PACS1: variants seen among roughly 807,000 people sequenced by gnomAD.
PACS1 encodes PACS-1.
A neutral mutation model predicts 115.0 loss-of-function variants in PACS1; 24 were observed. The observed-to-expected ratio is 0.21, with a 90% CI of 0.15 to 0.29. PACS1 has a LOEUF of 0.29. Ranked by LOEUF, PACS1 falls within the 10% of genes least tolerant of loss-of-function variation. The pLI is 1.00. For synonymous variants in PACS1, 453 were observed against 504.5 expected (o/e 0.90, Z 1.37); for missense variants, 838 against 1,251.2 (o/e 0.67, Z 4.98).
At chr11:66,112,095 T>G (rs1858203075) in intron 1 of PACS1, among the ~76,000 whole-genome samples, 1 of 152,242 alleles carries the variant, frequency 6.6e-6, no homozygotes, top group Non-Finnish European at 1.5e-5. Flanking sequence ...CAGACTGATC[T>G]GTTTCACTGC....
chr11:66,155,096 A>G (rs1859321574), intron 1 of PACS1, among the ~76,000 whole-genome samples: 1 of 152,228 alleles, frequency 6.6e-6, no homozygotes, highest in Non-Finnish European at 1.5e-5. Flanking sequence ...GAAGAAAACA[A>G]ACATTAACCC....
rs116896564 is a variant in PACS1 at position 66,236,371 on chromosome 11, C to T, written c.2250+431C>T. On this transcript the variant is annotated intron_variant, in intron 19 of 23. Coordinates refer to ENST00000320580, the MANE Select transcript of PACS1 (RefSeq NM_018026.4). This position sits in a 1 kb window ranked among gnomAD's most constrained non-coding sequence, Gnocchi z 4.2. ...CTTCACCCGGGGAGTGATGTCCAGACGTGGCTCACGGGAAAGGGAGCTGCT... is the reference window on the plus strand; with the variant it reads ...CTTCACCCGGGGAGTGATGTCCAGATGTGGCTCACGGGAAAGGGAGCTGCT... Among the ~76,000 whole-genome samples, 837 of 152,328 alleles carry T rather than the reference C, an allele frequency of 5.5e-3. No individual in the cohort carries two copies. The highest frequency in any genetic ancestry group is 7.7e-3 in the Non-Finnish European group (524 of 68,030).
intron 1 of PACS1, among the ~76,000 whole-genome samples, chr11:66,073,815 A>AGGTGGCGCTTC (rs1303188812): frequency 1.3e-5 from 2 of 151,556 alleles, no homozygotes; most frequent in African/African-American, 4.9e-5. Context: ...GTGTAGTGGC[A>AGGTGGCGCTTC]CAGTCATAGC....
At chr11:66,159,709 C>A (rs142801564) in intron 1 of PACS1, among the ~76,000 whole-genome samples, 3 of 152,146 alleles carry the variant, frequency 2.0e-5, no homozygotes, top group African/African-American at 7.2e-5. Context: ...GAAGGTTACT[C>A]CACTTTCACA....
chr11:66,091,869 G>A (rs10896079), intron 1 of PACS1, among the ~76,000 whole-genome samples: 31,628 of 151,498 alleles, frequency 0.21, 3,446 homozygotes, highest in Middle Eastern at 0.29. Flanking sequence ...TTTTATGGCT[G>A]CATAGTATTC....
intron 1 of PACS1, among the ~76,000 whole-genome samples, chr11:66,087,780 T>C (rs1217734943): frequency 6.6e-6 from 1 of 152,200 alleles, no homozygotes; most frequent in East Asian, 1.9e-4. Flanking sequence ...AAAGCACTCA[T>C]TTCTCTGCAG....
chr11:66,215,001 C>T (rs747967750), intron 4 of PACS1, among the ~76,000 whole-genome samples: 7 of 151,980 alleles, frequency 4.6e-5, no homozygotes, highest in Non-Finnish European at 7.4e-5. Flanking sequence ...GGCACAATCA[C>T]GACTCACTGC....
At chr11:66,228,760 G>C (rs76782866) in intron 11 of PACS1, among the ~76,000 whole-genome samples, 5 of 152,164 alleles carry the variant, frequency 3.3e-5, no homozygotes, top group Admixed American at 1.3e-4. Context: ...GAGGGGCATC[G>C]GGAGGCCTCA....
At chr11:66,080,237 G>T (rs1481173232) in intron 1 of PACS1, among the ~76,000 whole-genome samples, 1 of 152,180 alleles carries the variant, frequency 6.6e-6, no homozygotes, top group Non-Finnish European at 1.5e-5. Flanking sequence ...GAGTGTTTCT[G>T]TGTGCCAAGC....
chr11:66,215,861 C>T (rs1367356262), intron 4 of PACS1, among the ~76,000 whole-genome samples: 1 of 150,648 alleles, frequency 6.6e-6, no homozygotes, highest in Non-Finnish European at 1.5e-5. Flanking sequence ...GATCACGCCA[C>T]TGCACTCCAG....
At chr11:66,217,361 A>C (rs1397749689) in intron 7 of PACS1, 2 of 336,232 alleles carry the variant, frequency 5.9e-6, no homozygotes, top group Non-Finnish European at 1.2e-5. Flanking sequence ...TCCTGAACTA[A>C]GAAGCTAAAA....
At chr11:66,144,468 AC>A (rs1486340223) in intron 1 of PACS1, among the ~76,000 whole-genome samples, 1 of 152,198 alleles carries the variant, frequency 6.6e-6, no homozygotes, top group Non-Finnish European at 1.5e-5. Context: ...TGAAGGTAAA[AC>A]TTGCTCCAGG....
chr11:66,211,656 G>A (rs1315298645), intron 4 of PACS1, among the ~76,000 whole-genome samples: 2 of 152,074 alleles, frequency 1.3e-5, no homozygotes, highest in Non-Finnish European at 2.9e-5. Flanking sequence ...TTGCTGGCAC[G>A]ATGCCCCATT....
intron 1 of PACS1, among the ~76,000 whole-genome samples, chr11:66,118,246 CTGTTATGTGTAT>C (rs1858351294): frequency 6.6e-6 from 1 of 152,216 alleles, no homozygotes; most frequent in African/African-American, 2.4e-5. Context: ...CTGATTTAAC[CTGTTATGTGTAT>C]GCCATTGAGC....
chr11:66,134,775 C>G (rs1858805263), intron 1 of PACS1, among the ~76,000 whole-genome samples: 1 of 152,064 alleles, frequency 6.6e-6, no homozygotes, highest in Admixed American at 6.5e-5. Context: ...TTCTCACTAT[C>G]ACTGGGGATT....
At chr11:66,209,649 C>T (rs1056297161) in intron 2 of PACS1, among the ~76,000 whole-genome samples, 2 of 152,102 alleles carry the variant, frequency 1.3e-5, no homozygotes, top group Non-Finnish European at 2.9e-5. Flanking sequence ...GTGACTCACA[C>T]CTGTAATCCC....
At position 66,070,957 on chromosome 11, in the gene PACS1, C is replaced by G; in HGVS notation, c.356+115C>G. On this transcript the variant is annotated intron_variant, in intron 1 of 23. Transcript: ENST00000320580. The surrounding 1 kb of genome is among the most constrained non-coding windows in gnomAD (Gnocchi z 5.9). ...GCCCTCCATCTCCCCGACTGTCCCG[C>G]GGCCCGGCCTGGCTCCAGCCAGGCC... 9.0e-7 allele frequency: 1 copy of G among 1,105,680 alleles called. No individual in the cohort carries two copies. The highest frequency in any genetic ancestry group is 2.2e-5 in the South Asian group (1 of 45,282). 68.5% of individuals were successfully genotyped at this position (1,105,680 alleles called of 1,614,324 possible). A position where few individuals can be genotyped will look rare whatever the true frequency, so the allele number is the denominator to read the frequency against.
chr11:66,076,878 A>G (rs950557754), intron 1 of PACS1, among the ~76,000 whole-genome samples: 8 of 152,184 alleles, frequency 5.3e-5, no homozygotes, highest in Non-Finnish European at 1.0e-4. Context: ...TTGAGGTGAT[A>G]TTGAGGGCTC....
At chr11:66,140,282 G>C (rs1590772964) in intron 1 of PACS1, among the ~76,000 whole-genome samples, 1 of 152,192 alleles carries the variant, frequency 6.6e-6, no homozygotes, top group African/African-American at 2.4e-5. Flanking sequence ...AAACCGAGGA[G>C]ATTTTTGACT....
Sources: allele counts gnomAD v4.1 joint callset (sites outside exome capture counted in the v4.1 genomes callset), GRCh38; gene constraint gnomAD v4.1.1; non-coding constraint Gnocchi (gnomAD v3.1); transcripts MANE v1.5; gene names NCBI Gene and HGNC (gene_info 2026-07-23, HGNC 2026-07-21).